Variants in SEC16A observed in about 807,000 individuals in gnomAD.
SEC16A encodes SEC16 homolog A, endoplasmic reticulum export factor.
A neutral mutation model predicts 221.9 loss-of-function variants in SEC16A; 110 were observed. That is an observed-to-expected ratio of 0.50 (90% confidence interval 0.42 to 0.58). The LOEUF (loss-of-function observed/expected upper bound fraction) is 0.58. Ranked by LOEUF, SEC16A falls within the 20% of genes least tolerant of loss-of-function variation. The pLI, the probability that SEC16A is intolerant of heterozygous loss-of-function variation, is 0.00. For missense variants in SEC16A, 3,165 were observed against 3,097.8 expected, an observed-to-expected ratio of 1.02 and a Z score of -0.52; for synonymous variants, 1,393 against 1,257.7, an observed-to-expected ratio of 1.11 and a Z score of -2.28.
In SEC16A at chr9:136,475,888, G is replaced by A. The variant is rs747679563; in HGVS notation, c.1728C>T (p.Asp576=). The A allele has an allele frequency of 1.4e-5, 22 of 1,607,028 alleles. No individual in the cohort carries two copies. The highest frequency in any genetic ancestry group is 3.3e-5 in the South Asian group (3 of 90,034). Residue 576 remains aspartate, a synonymous_variant, in exon 3 of 32, where the codon GAC becomes GAT. Transcript: ENST00000684901. This position sits in a 1 kb window ranked among gnomAD's most constrained non-coding sequence, Gnocchi z 5.0. Reference sequence around the variant, plus strand: ...GGTAATTCTGGCTCACAGTGGTCTCGTCTGTTTCACCTCCTACGGGAGAAG... The same window carrying A: ...GGTAATTCTGGCTCACAGTGGTCTCATCTGTTTCACCTCCTACGGGAGAAG... The part of the protein sequence containing the change: ...IDSSPVGGET[D]ETTVSQNYRG...
rs373377796 is a variant in SEC16A at position 136,462,925 on chromosome 9, C to T, written c.4855G>A (p.Glu1619Lys). 3.9e-5 allele frequency: 62 copies of T among 1,603,364 alleles called. No individual in the cohort carries two copies. The highest frequency in any genetic ancestry group is 8.0e-5 in the African/African-American group (6 of 74,936). The change falls in exon 12 of 32, where the codon GAG becomes AAG. Residue 1619 changes from glutamate (E) to lysine (K), a missense_variant. By Grantham distance (56) the Glu-to-Lys change is moderately conservative (BLOSUM62 1). Coordinates refer to ENST00000684901, the MANE Select transcript of SEC16A (RefSeq NM_014866.2). Reference protein sequence around the residue: ...AAASSLERETERFRELLLYGR... With the variant: ...AAASSLERETKRFRELLLYGR... ...TACAGCAACAGCTCCCTGAACCTCT[C>T]GGTCTCTCTCTCGAGCGAGCTGGCG...
intron 28 of SEC16A, 127 bp from the exon 29 acceptor site, chr9:136,445,846 C>T: frequency 1.2e-6 from 1 of 812,506 alleles, no homozygotes; most frequent in Non-Finnish European, 2.0e-6. Flanking sequence ...AAGTGCTCCT[C>T]AGAGAGAAGT....
chr9:136,484,686 C>G (rs1262055606), upstream of SEC16A: 1 of 1,366,470 alleles, frequency 7.3e-7, no homozygotes, highest in Non-Finnish European at 9.8e-7. Context: ...CCAGCAGGGC[C>G]GCAGGCGGTG....
intron 3 of SEC16A, among the ~76,000 whole-genome samples, chr9:136,473,158 G>A (rs9657744): frequency 0.12 from 18,278 of 152,320 alleles, 1,423 homozygotes; most frequent in Admixed American, 0.24. Context: ...AGCAAGCCAC[G>A]GCAGCCTTGC....
intron 20 of SEC16A, among the ~76,000 whole-genome samples, chr9:136,454,699 G>A (rs1359928201): frequency 2.0e-5 from 3 of 152,212 alleles, no homozygotes; most frequent in Admixed American, 6.5e-5. Context: ...TCATTCTTCC[G>A]ACTCAACATA....
rs371074782 is a variant in SEC16A at position 136,477,248 on chromosome 9, G to A, written c.368C>T (p.Pro123Leu). Reference protein sequence around the residue: ...PLTQPRAHASPFSGALTPSAP... With the variant: ...PLTQPRAHASLFSGALTPSAP... Reference sequence around the variant, plus strand: ...TGAAGGTGTCAATGCACCAGAAAACGGACTGGCATGTGCTCTGGGCTGTGT... The same window carrying A: ...TGAAGGTGTCAATGCACCAGAAAACAGACTGGCATGTGCTCTGGGCTGTGT... The change falls in exon 3 of 32, where the codon CCG (proline) becomes CTG (leucine). Residue 123 changes from proline to leucine, a missense_variant. Around this residue, in one of 3 missense-constraint regions of SEC16A, gnomAD observed 2,030 missense variants for 1,923.1 expected, o/e 1.06. Coordinates refer to ENST00000684901, the MANE Select transcript of SEC16A (RefSeq NM_014866.2). The A allele has an allele frequency of 5.7e-5, 92 of 1,613,898 alleles. No individual in the cohort carries two copies. The highest frequency in any genetic ancestry group is 3.1e-4 in the East Asian group (14 of 44,890).
intron 1 of SEC16A, among the ~76,000 whole-genome samples, chr9:136,482,671 CG>C (rs1298051109): frequency 1.3e-5 from 2 of 152,158 alleles, no homozygotes; most frequent in Admixed American, 1.3e-4. Context: ...CCCCGGGAAC[CG>C]GCGTCACCGC....
At chr9:136,471,124 G>A (rs1840798833) in intron 4 of SEC16A, among the ~76,000 whole-genome samples, 1 of 151,768 alleles carries the variant, frequency 6.6e-6, no homozygotes, top group African/African-American at 2.4e-5. Context: ...TTCTGTAATG[G>A]CAAACAGAGG....
intron 13 of SEC16A, 107 bp downstream of exon 13, chr9:136,461,070 C>A: frequency 1.2e-6 from 1 of 828,318 alleles, no homozygotes; most frequent in East Asian, 2.7e-5. Flanking sequence ...GGGAGCACAG[C>A]ACAGTCAAGT....
intron 17 of SEC16A, 96 bp from the exon 18 acceptor site, chr9:136,457,680 C>T (rs117018819): frequency 0.022 from 31,698 of 1,425,794 alleles, 512 homozygotes; most frequent in Middle Eastern, 0.069. Flanking sequence ...CCCCTGCATC[C>T]GAGCATCGCC....
intron 1 of SEC16A, among the ~76,000 whole-genome samples, chr9:136,480,716 C>T (rs1340113307): frequency 6.6e-6 from 1 of 152,012 alleles, no homozygotes; most frequent in African/African-American, 2.4e-5. Context: ...ACGGTGAAAC[C>T]CCGTCTCTAC....
At chr9:136,448,434 A>T (rs1431246302) in intron 23 of SEC16A, 2 of 704,844 alleles carry the variant, frequency 2.8e-6, no homozygotes, top group African/African-American at 1.9e-5. Context: ...ATCCACAGAG[A>T]CACCAGGAGG....
At position 136,462,964 on chromosome 9, in the gene SEC16A, C is replaced by T. The variant is rs772756459; in HGVS notation, c.4816G>A (p.Gly1606Ser). 5.0e-6 allele frequency: 8 copies of T among 1,608,282 alleles called. No individual in the cohort carries two copies. The highest frequency in any genetic ancestry group is 6.8e-6 in the Non-Finnish European group (8 of 1,179,876). ...GEAQLSFLTGGPAAAASSLER... is the reference protein window; with the variant it reads ...GEAQLSFLTGSPAAAASSLER... ...AGCGAGCTGGCGGCAGCCGCCGGAC[C>T]ACCAGTGAGGAAAGAGAGCTGGGCC... The change falls in exon 12 of 32, where the codon GGT becomes AGT. Residue 1606 changes from glycine (G) to serine (S), a missense_variant. Transcript: ENST00000684901.
At position 136,462,938 on chromosome 9, in the gene SEC16A, G is replaced by T. The variant is rs536646510; in HGVS notation, c.4842C>A (p.Leu1614=). 4 of 1,604,948 alleles carry T rather than the reference G, an allele frequency of 2.5e-6. No homozygotes were observed. The highest frequency in any genetic ancestry group is 2.5e-6 in the Non-Finnish European group (3 of 1,179,836). ...TGGPAAAASS[L]ERETERFREL... is the part of the protein sequence containing the mutation. ...CCCTGAACCTCTCGGTCTCTCTCTC[G>T]AGCGAGCTGGCGGCAGCCGCCGGAC... Residue 1614 remains leucine, a synonymous_variant, in exon 12 of 32, where the codon CTC becomes CTA. Transcript: ENST00000684901.
intron 8 of SEC16A, among the ~76,000 whole-genome samples, chr9:136,465,478 A>C (rs540367712): frequency 3.2e-4 from 49 of 152,332 alleles, no homozygotes; most frequent in Admixed American, 2.1e-3. Flanking sequence ...AACAAACAAA[A>C]AAACTCAGCC....
At chr9:136,484,675 G>C, upstream of SEC16A, 1 of 1,366,324 alleles carries the variant, frequency 7.3e-7, no homozygotes, top group Non-Finnish European at 9.8e-7. Context: ...TCCGTGCCAC[G>C]CCAGCAGGGC....
intron 17 of SEC16A, among the ~76,000 whole-genome samples, chr9:136,458,628 A>C (rs1039235214): frequency 1.5e-5 from 2 of 132,524 alleles, no homozygotes; most frequent in African/African-American, 5.8e-5. Flanking sequence ...ACTCGGTCTC[A>C]AAAAAAAAAA....
intron 31 of SEC16A, among the ~76,000 whole-genome samples, 198 bp downstream of exon 31, chr9:136,443,625 G>A (rs1025354183): frequency 6.6e-6 from 1 of 152,208 alleles, no homozygotes; most frequent in African/African-American, 2.4e-5. Flanking sequence ...TGGCTGCAGT[G>A]AGCTGAGATC....
chr9:136,480,282 C>T (rs1457339203), intron 1 of SEC16A, among the ~76,000 whole-genome samples: 4 of 152,244 alleles, frequency 2.6e-5, no homozygotes, highest in Non-Finnish European at 2.9e-5. Context: ...CCTCCTGAAA[C>T]TCTGCTGCCA....
Sources: gnomAD v4.1 joint callset for allele counts (sites outside exome capture counted in the v4.1 genomes callset) on GRCh38, gnomAD v4.1.1 for gene constraint, gnomAD v4.1.1 regional missense constraint, Gnocchi (gnomAD v3.1) non-coding constraint, MANE v1.5 for transcripts, NCBI Gene and HGNC (gene_info 2026-07-23, HGNC 2026-07-21) for gene names.